The following HOXD8 variants were observed in gnomAD, a reference collection of about 807,000 sequenced individuals.
The protein encoded by HOXD8 is homeobox protein Hox-D8.
Under a neutral mutation model 25.4 loss-of-function variants are expected in HOXD8, and 17 were observed. The observed-to-expected ratio is 0.67, with a 90% CI of 0.46 to 1.00. The LOEUF is 1.00. HOXD8 is among the 50% of genes least tolerant of loss of function. The pLI is 0.00. For missense variants in HOXD8, 511 were observed against 398.5 expected (o/e 1.28, Z -2.40); for synonymous variants, 203 against 175.3 (o/e 1.16, Z -1.25).
At chr2:176,131,265 A>G (rs1056693263) in intron 1 of HOXD8, 52 bp from the exon 2 acceptor site, 9 of 1,530,950 alleles carry the variant, frequency 5.9e-6, no homozygotes, top group African/African-American at 1.4e-5. Context: ...CAGAGGTACC[A>G]TAACATTTTT....
chr2:176,131,289 C>G, intron 1 of HOXD8, 28 bp from the exon 2 acceptor site: 1 of 1,546,920 alleles, frequency 6.5e-7, no homozygotes, highest in Middle Eastern at 1.7e-4. Context: ...ACTTTTATTC[C>G]CCCCCCCTTT....
At chr2:176,131,089 CTT>C in intron 1 of HOXD8, 146 bp downstream of exon 1, 1 of 689,570 alleles carries the variant, frequency 1.5e-6, no homozygotes, top group Non-Finnish European at 2.4e-6. Flanking sequence ...GTAATACAGA[CTT>C]TTTTTAAAAA....
chr2:176,131,287 T>TC (rs373731128), intron 1 of HOXD8, 30 bp from the exon 2 acceptor site: 901 of 1,541,206 alleles, frequency 5.8e-4, no homozygotes, highest in African/African-American at 4.9e-3. Context: ...AAACTTTTAT[T>TC]CCCCCCCCCT....
intron 1 of HOXD8, 96 bp downstream of exon 1, chr2:176,131,039 T>G (rs1387284591): frequency 4.4e-5 from 37 of 845,444 alleles, no homozygotes; most frequent in Non-Finnish European, 6.4e-5. Flanking sequence ...CTCCCCCTCC[T>G]TTTCCTTCTT....
intron 1 of HOXD8, 44 bp from the exon 2 acceptor site, chr2:176,131,273 T>G: frequency 6.5e-7 from 1 of 1,548,190 alleles, no homozygotes; most frequent in Non-Finnish European, 8.7e-7. Context: ...CCATAACATT[T>G]TTAAAACTTT....
Position 176,130,441 on chromosome 2 carries a change from G to A in HOXD8, c.75G>A (p.Glu25=). 8.0e-6 allele frequency: 12 copies of A among 1,491,230 alleles called. No homozygotes were observed. The highest frequency in any genetic ancestry group is 2.9e-5 in the African/African-American group (2 of 68,456). 92.4% of individuals were successfully genotyped at this position (1,491,230 alleles called of 1,614,324 possible). The part of the protein sequence containing the change: ...AAAAAAAAAG[E]AINPTYYDCH... The stretch of plus-strand genomic sequence containing the variant: ...CTGCGGCGGCGGCGGCGGCGGGCGA[G>A]GCCATCAATCCCACTTACTACGACT... Residue 25 remains glutamate, a synonymous_variant, in exon 1 of 2, where the codon GAG becomes GAA. Coordinates refer to ENST00000313173, the MANE Select transcript of HOXD8 (RefSeq NM_019558.4).
chr2:176,130,829 G>C lies in HOXD8; in HGVS notation c.463G>C (p.Glu155Gln), dbSNP rs1333694950. ...QPIFTTQQEA[E>Q]LVQYPDCKSS... ...GATTTTTACGACCCAGCAAGAGGCC[G>C]AGCTGGTACAATATCCTGACTGTAA... The change falls in exon 1 of 2, where the codon GAG becomes CAG. Residue 155 changes from glutamate (E) to glutamine (Q), a missense_variant. Transcript: ENST00000313173. The C allele has an allele frequency of 1.2e-6, 2 of 1,613,230 alleles. No homozygotes were observed.
chr2:176,130,549 C>A lies in HOXD8; in HGVS notation c.183C>A (p.Phe61Leu). 1 of 1,469,976 alleles carries A rather than the reference C, an allele frequency of 6.8e-7. No homozygotes were observed. Among genetic ancestry groups the A allele is most frequent in the South Asian group, 1.3e-5 (1 of 76,586 alleles). The allele number at this position is 1,469,976 out of a possible 1,614,324, so 91.1% of individuals were successfully genotyped here. A position where few individuals can be genotyped will look rare whatever the true frequency, so the allele number is the denominator to read the frequency against. ...LQLYGNSAAGFPHAPPQAHAH... is the reference protein window; with the variant it reads ...LQLYGNSAAGLPHAPPQAHAH... ...TCTATGGCAACAGCGCCGCCGGCTT[C>A]CCGCACGCGCCCCCGCAGGCGCACG... is the stretch of plus-strand genomic sequence containing the variant. The change falls in exon 1 of 2, where the codon TTC (phenylalanine) becomes TTA (leucine). Residue 61 changes from phenylalanine (F) to leucine (L), a missense_variant. By Grantham distance (22) the Phe-to-Leu change is conservative. Coordinates refer to ENST00000313173, the MANE Select transcript of HOXD8 (RefSeq NM_019558.4).
chr2:176,130,345 G>C lies in HOXD8; in HGVS notation c.-22G>C. The C allele has an allele frequency of 2.9e-6, 4 of 1,383,912 alleles. No individual in the cohort carries two copies. The highest frequency in any genetic ancestry group is 3.7e-6 in the Non-Finnish European group (4 of 1,078,676). 85.7% of individuals were successfully genotyped at this position (1,383,912 alleles called of 1,614,324 possible). On this transcript the variant is annotated 5_prime_UTR_variant, in exon 1 of 2. Transcript: ENST00000313173. Reference sequence around the variant, plus strand: ...TGCTTAGCGCCGCCCGCCCGCCCGGGGCCGCCGCCGCTGACGCCCCAATGA... The same window carrying C: ...TGCTTAGCGCCGCCCGCCCGCCCGGCGCCGCCGCCGCTGACGCCCCAATGA...
At position 176,130,434 on chromosome 2, in the gene HOXD8, CG is replaced by C. The variant is rs758590291; in HGVS notation, c.71del (p.Gly24AlafsTer153). The C allele has an allele frequency of 1.3e-6, 2 of 1,486,776 alleles. No individual in the cohort carries two copies. The highest frequency in any genetic ancestry group is 1.5e-5 in the African/African-American group (1 of 68,078). 92.1% of individuals were successfully genotyped at this position (1,486,776 alleles called of 1,614,324 possible). ...YKAAAAAAAA[A>X]GEAINPTYYD... is the part of the protein sequence containing the mutation. The stretch of plus-strand genomic sequence containing the variant: ...GCGGCGGCTGCGGCGGCGGCGGCGG[CG>C]GGCGAGGCCATCAATCCCACTTACT... On this transcript the variant is annotated frameshift_variant, in exon 1 of 2. Coordinates refer to ENST00000313173, the MANE Select transcript of HOXD8 (RefSeq NM_019558.4). LOFTEE classifies it high-confidence loss of function.
Position 176,130,684 on chromosome 2 carries a change from G to C in HOXD8, c.318G>C (p.Gln106His), listed in dbSNP as rs1690079311. 1 of 1,576,496 alleles carries C rather than the reference G, an allele frequency of 6.3e-7. No homozygotes were observed. Among genetic ancestry groups the C allele is most frequent in the South Asian group, 1.2e-5 (1 of 85,222 alleles). ...PGGGSPAAAY[Q>H]AAPPPPPHPP... ...GGGGCAGCCCGGCCGCTGCCTACCA[G>C]GCCGCCCCCCCTCCTCCTCCGCATC... The change falls in exon 1 of 2, where the codon CAG becomes CAC. Residue 106 changes from glutamine to histidine, a missense_variant. Coordinates refer to ENST00000313173, the MANE Select transcript of HOXD8 (RefSeq NM_019558.4).
rs2105407421 is a variant in HOXD8 at position 176,131,750 on chromosome 2, G to C, written c.*138G>C. On this transcript the variant is annotated 3_prime_UTR_variant, in exon 2 of 2. Coordinates refer to ENST00000313173, the MANE Select transcript of HOXD8 (RefSeq NM_019558.4). ...CATGTCACTGCTCTTGAGGTTTTCT[G>C]TGCTTTGAGAGGGATTTGGGTGTTT... is the stretch of plus-strand genomic sequence containing the variant. 1 of 617,246 alleles carries C rather than the reference G, an allele frequency of 1.6e-6. No homozygotes were observed. Among genetic ancestry groups the C allele is most frequent in the African/African-American group, 1.9e-5 (1 of 53,972 alleles). The allele number at this position is 617,246 out of a possible 1,614,324, so 38.2% of individuals were successfully genotyped here.
At position 176,131,209 on chromosome 2, in the gene HOXD8, A is replaced by G. The variant is rs559733240; in HGVS notation, c.578-108A>G. The G allele has an allele frequency of 5.2e-5, 52 of 994,994 alleles. No individual in the cohort carries two copies. The African/African-American group carries it at 6.2e-4, about 12-fold the overall frequency. 61.6% of individuals were successfully genotyped at this position (994,994 alleles called of 1,614,324 possible). On this transcript the variant is annotated intron_variant, in intron 1 of 1. Transcript: ENST00000313173. Reference sequence around the variant, plus strand: ...ATATCGGAGCTAAAGAGCTCTGTGTATATTTCACCCCGTAGACCCCCGTTC... The same window carrying G: ...ATATCGGAGCTAAAGAGCTCTGTGTGTATTTCACCCCGTAGACCCCCGTTC...
Position 176,130,659 on chromosome 2 carries a change from G to T in HOXD8, c.293G>T (p.Gly98Val). The change falls in exon 1 of 2, where the codon GGG (glycine) becomes GTG (valine). Residue 98 changes from glycine (G) to valine (V), a missense_variant. By Grantham distance (109) the Gly-to-Val change is moderately radical (BLOSUM62 -3). Transcript: ENST00000313173. ...GRGQEYFHPGGGSPAAAYQAA... is the reference protein window; with the variant it reads ...GRGQEYFHPGVGSPAAAYQAA... ...GGCCAGGAGTACTTCCACCCCGGCG[G>T]GGGCAGCCCGGCCGCTGCCTACCAG... is the stretch of plus-strand genomic sequence containing the variant. The T allele has an allele frequency of 6.4e-7, 1 of 1,551,360 alleles. No individual in the cohort carries two copies. The highest frequency in any genetic ancestry group is 8.7e-7 in the Non-Finnish European group (1 of 1,152,634).
At position 176,130,361 on chromosome 2, in the gene HOXD8, G is replaced by T; in HGVS notation, c.-6G>T. On this transcript the variant is annotated 5_prime_UTR_variant, in exon 1 of 2. Coordinates refer to ENST00000313173, the MANE Select transcript of HOXD8 (RefSeq NM_019558.4). The stretch of plus-strand genomic sequence containing the variant: ...CCCGCCCGGGGCCGCCGCCGCTGAC[G>T]CCCCAATGAGTTCGTACTTCGTGAA... 7.1e-7 allele frequency: 1 copy of T among 1,411,588 alleles called. No individual in the cohort carries two copies. Among genetic ancestry groups the T allele is most frequent in the Non-Finnish European group, 9.1e-7 (1 of 1,094,702 alleles). The allele number at this position is 1,411,588 out of a possible 1,614,324, so 87.4% of individuals were successfully genotyped here.
In HOXD8 at chr2:176,131,734, G is replaced by GTCACATGAGCA. The variant is rs1690120420; in HGVS notation, c.*122_*123insTCACATGAGCA. 4.4e-5 allele frequency: 28 copies of GTCACATGAGCA among 632,956 alleles called. No individual in the cohort carries two copies. The highest frequency in any genetic ancestry group is 1.2e-4 in the Admixed American group (4 of 32,160). The allele number at this position is 632,956 out of a possible 1,614,324, so 39.2% of individuals were successfully genotyped here. On this transcript the variant is annotated 3_prime_UTR_variant, in exon 2 of 2. Coordinates refer to ENST00000313173, the MANE Select transcript of HOXD8 (RefSeq NM_019558.4). ...TGTTTCAAGCTACCTTCATGTCACTGCTCTTGAGGTTTTCTGTGCTTTGAG... is the reference window on the plus strand; with the variant it reads ...TGTTTCAAGCTACCTTCATGTCACTGTCACATGAGCACTCTTGAGGTTTTCTGTGCTTTGAG...
At position 176,130,471 on chromosome 2, in the gene HOXD8, C is replaced by T. The variant is rs1289886396; in HGVS notation, c.105C>T (p.His35=). 2 of 1,492,670 alleles carry T rather than the reference C, an allele frequency of 1.3e-6. No individual in the cohort carries two copies. The highest frequency in any genetic ancestry group is 2.8e-5 in the East Asian group (1 of 35,192). The allele number at this position is 1,492,670 out of a possible 1,614,324, so 92.5% of individuals were successfully genotyped here. ...EAINPTYYDC[H]FAPEVGGRHA... Reference sequence around the variant, plus strand: ...TCAATCCCACTTACTACGACTGTCACTTCGCGCCCGAGGTCGGCGGCCGTC... The same window carrying T: ...TCAATCCCACTTACTACGACTGTCATTTCGCGCCCGAGGTCGGCGGCCGTC... The change falls in exon 1 of 2, where the codon CAC becomes CAT. Residue 35 remains histidine, a synonymous_variant. Transcript: ENST00000313173.
Position 176,130,593 on chromosome 2 carries a change from C to G in HOXD8, c.227C>G (p.Pro76Arg), listed in dbSNP as rs767294918. Residue 76 changes from proline to arginine, a missense_variant, in exon 1 of 2, where the codon CCG becomes CGG. Coordinates refer to ENST00000313173, the MANE Select transcript of HOXD8 (RefSeq NM_019558.4). Reference sequence around the variant, plus strand: ...GCGCACGCGCACCCGCACCCGTCCCCGCCGCCCTCCGGGACTGGGTGCGGC... The same window carrying G: ...GCGCACGCGCACCCGCACCCGTCCCGGCCGCCCTCCGGGACTGGGTGCGGC... ...PQAHAHPHPS[P>R]PPSGTGCGGR... The G allele has an allele frequency of 1.7e-5, 25 of 1,463,360 alleles. No individual in the cohort carries two copies. The highest frequency in any genetic ancestry group is 2.1e-5 in the Non-Finnish European group (24 of 1,120,412). The allele number at this position is 1,463,360 out of a possible 1,614,324, so 90.6% of individuals were successfully genotyped here. A position where few individuals can be genotyped will look rare whatever the true frequency, so the allele number is the denominator to read the frequency against.
Position 176,130,954 on chromosome 2 carries a change from A to ATTT in HOXD8, c.577+19_577+21dup. ...GGATGAGACCACAAGGTTGGGATGC[A>ATTT]TTTTTTTTTTAAGAAGGGAGAGGGG... On this transcript the variant is annotated intron_variant, in intron 1 of 1. Coordinates refer to ENST00000313173, the MANE Select transcript of HOXD8 (RefSeq NM_019558.4). 1 of 1,382,842 alleles carries ATTT rather than the reference A, an allele frequency of 7.2e-7. No individual in the cohort carries two copies. The highest frequency in any genetic ancestry group is 9.8e-7 in the Non-Finnish European group (1 of 1,024,042). The allele number at this position is 1,382,842 out of a possible 1,614,324, so 85.7% of individuals were successfully genotyped here. A position where few individuals can be genotyped will look rare whatever the true frequency, so the allele number is the denominator to read the frequency against.
Sources: gnomAD v4.1 joint callset for allele counts on GRCh38, gnomAD v4.1.1 for gene constraint, MANE v1.5 for transcripts, NCBI Gene and HGNC (gene_info 2026-07-23, HGNC 2026-07-21) for gene names.